The following VPS13D variants were observed in gnomAD, a reference collection of about 807,000 sequenced individuals.
VPS13D encodes the protein intermembrane lipid transfer protein VPS13D.
In VPS13D, 187 loss-of-function variants were observed where a neutral mutation model predicts 461.9. That is an observed-to-expected ratio of 0.40 (90% CI 0.36 to 0.46). The LOEUF is 0.46. VPS13D is among the 20% of genes least tolerant of loss of function. VPS13D has a pLI of 0.60. For missense variants in VPS13D, 4,711 were observed against 5,364.9 expected (o/e 0.88, Z 3.81); for synonymous variants, 1,951 against 1,986.3 (o/e 0.98, Z 0.47).
chr1:12,397,575 C>T (rs1237985362), intron 60 of VPS13D, among the ~76,000 whole-genome samples: 12 of 152,056 alleles, frequency 7.9e-5, no homozygotes, highest in Admixed American at 3.3e-4. Context: ...AGTGTGTGCC[C>T]GACACTGTAC....
intron 67 of VPS13D, chr1:12,478,892 G>A (rs758653520): frequency 2.2e-5 from 10 of 455,570 alleles, no homozygotes; most frequent in East Asian, 1.4e-4. Flanking sequence ...GATGCCGGCC[G>A]TGGAGTGCTC....
intron 30 of VPS13D, among the ~76,000 whole-genome samples, chr1:12,315,297 A>G (rs1642858751): frequency 3.3e-5 from 5 of 152,266 alleles, no homozygotes; most frequent in Admixed American, 3.3e-4. Flanking sequence ...ATGTTTCTGT[A>G]TGCCTGACAT....
At chr1:12,350,036 C>G (rs2101591094) in intron 46 of VPS13D, among the ~76,000 whole-genome samples, 1 of 152,280 alleles carries the variant, frequency 6.6e-6, no homozygotes, top group East Asian at 1.9e-4. Context: ...TTTCATTATA[C>G]TCTTTACCCA....
chr1:12,364,843 A>C (rs1644009135), intron 52 of VPS13D, among the ~76,000 whole-genome samples: 1 of 152,156 alleles, frequency 6.6e-6, no homozygotes. Flanking sequence ...TTTTTGAATT[A>C]GGTTGTTTTT....
intron 10 of VPS13D, among the ~76,000 whole-genome samples, chr1:12,259,045 C>T (rs72864976): frequency 0.066 from 9,592 of 144,696 alleles, 495 homozygotes; most frequent in Admixed American, 0.14. Context: ...TCTTCTTCTT[C>T]TTTTTTTTTT....
intron 5 of VPS13D, 149 bp from the exon 6 acceptor site, chr1:12,249,074 T>C (rs909080951): frequency 1.7e-6 from 1 of 580,680 alleles, no homozygotes; most frequent in Non-Finnish European, 3.0e-6. Context: ...AAGTGCCTGG[T>C]GTGGTTTCCT....
rs544878359 is a variant in VPS13D, at chr1:12,259,319, A to ATT, written c.1110+1229_1110+1230dup. Among the ~76,000 whole-genome samples, 4 of 137,422 alleles carry ATT rather than the reference A, an allele frequency of 2.9e-5. No homozygotes were observed. The South Asian group carries it at 9.3e-4, about 32-fold the overall frequency. The allele number at this position is 137,422 out of a possible 152,430, so 90.2% of individuals were successfully genotyped here. The stretch of plus-strand genomic sequence containing the variant: ...TCACCACCCCCAGCCTACTCTTTTT[A>ATT]TTTTTTTTTTTTTTGAGACAGGATC... On this transcript the variant is annotated intron_variant, in intron 10 of 69. Coordinates refer to ENST00000620676, the MANE Select transcript of VPS13D (RefSeq NM_015378.4).
At chr1:12,449,408 T>A (rs970621890) in intron 65 of VPS13D, among the ~76,000 whole-genome samples, 3 of 151,824 alleles carry the variant, frequency 2.0e-5, no homozygotes, top group South Asian at 2.1e-4. Flanking sequence ...TTTTTTTTTT[T>A]AAATGCCTCT....
intron 67 of VPS13D, among the ~76,000 whole-genome samples, chr1:12,475,310 A>G (rs78108062): frequency 0.01 from 1,555 of 152,148 alleles, 17 homozygotes; most frequent in African/African-American, 0.035. Flanking sequence ...CCCCCATACA[A>G]AGGGGGAGAG....
At chr1:12,253,293 C>G (rs984753916) in intron 6 of VPS13D, among the ~76,000 whole-genome samples, 16 of 152,012 alleles carry the variant, frequency 1.1e-4, no homozygotes, top group African/African-American at 3.4e-4. Flanking sequence ...AATACTATGC[C>G]TTTTTAAGAG....
chr1:12,460,891 C>T (rs916734816), intron 67 of VPS13D, among the ~76,000 whole-genome samples: 6 of 152,050 alleles, frequency 3.9e-5, no homozygotes, highest in Admixed American at 3.9e-4. Context: ...CTTAATTTTC[C>T]TTCCGCTTGA....
At chr1:12,378,226 A>G (rs918262082) in intron 55 of VPS13D, among the ~76,000 whole-genome samples, 1 of 152,230 alleles carries the variant, frequency 6.6e-6, no homozygotes, top group African/African-American at 2.4e-5. Context: ...TTGGTTCAAG[A>G]GGTTAGCATA....
chr1:12,468,443 C>G (rs1356414956), intron 67 of VPS13D, among the ~76,000 whole-genome samples: 1 of 152,182 alleles, frequency 6.6e-6, no homozygotes, highest in African/African-American at 2.4e-5. Context: ...AGTTCAGCTC[C>G]CCTGCTCCCA....
intron 68 of VPS13D, among the ~76,000 whole-genome samples, chr1:12,506,135 AC>A (rs1646102447): frequency 6.6e-6 from 1 of 152,218 alleles, no homozygotes; most frequent in Non-Finnish European, 1.5e-5. Flanking sequence ...GCCCGGGAGA[AC>A]TGTCACACTG....
intron 65 of VPS13D, among the ~76,000 whole-genome samples, chr1:12,433,527 G>T (rs923767996): frequency 6.6e-6 from 1 of 152,162 alleles, no homozygotes; most frequent in African/African-American, 2.4e-5. Flanking sequence ...TTAATAAAGC[G>T]TGCCTGCCCT....
intron 32 of VPS13D, among the ~76,000 whole-genome samples, chr1:12,320,876 C>A (rs984810445): frequency 1.3e-5 from 2 of 152,204 alleles, no homozygotes; most frequent in African/African-American, 4.8e-5. Context: ...ACAATTGGAT[C>A]TGAATTTTAA....
intron 40 of VPS13D, among the ~76,000 whole-genome samples, chr1:12,341,203 TA>T (rs1479980414): frequency 1.3e-5 from 2 of 152,230 alleles, no homozygotes; most frequent in African/African-American, 4.8e-5. Flanking sequence ...TATCTATGTT[TA>T]AAAAATGGGC....
In VPS13D at chr1:12,249,174, A is replaced by G. The variant is rs201531020; in HGVS notation, c.448-49A>G. On this transcript the variant is annotated intron_variant, in intron 5 of 69. Transcript: ENST00000620676. ...CTTTTTCTTTTTTCTTTTCTTTGGAACACTATTCTGCAGGTGCATCAGCTG... is the reference window on the plus strand; with the variant it reads ...CTTTTTCTTTTTTCTTTTCTTTGGAGCACTATTCTGCAGGTGCATCAGCTG... The G allele has an allele frequency of 7.9e-5, 113 of 1,421,476 alleles. No individual in the cohort carries two copies. Among genetic ancestry groups the G allele is most frequent in the Non-Finnish European group, 1.0e-4 (105 of 1,019,820 alleles). 88.1% of individuals were successfully genotyped at this position (1,421,476 alleles called of 1,614,324 possible).
At chr1:12,266,522 C>T (rs1246212375) in intron 13 of VPS13D, among the ~76,000 whole-genome samples, 1 of 152,242 alleles carries the variant, frequency 6.6e-6, no homozygotes, top group East Asian at 1.9e-4. Context: ...TTAGCACTTT[C>T]TAGCAATAAA....
Sources: allele counts gnomAD v4.1 joint callset (sites outside exome capture counted in the v4.1 genomes callset), GRCh38; gene constraint gnomAD v4.1.1; transcripts MANE v1.5; gene names NCBI Gene and HGNC (gene_info 2026-07-23, HGNC 2026-07-21).